The following RANBP17 variants were observed in gnomAD, a reference collection of about 807,000 sequenced individuals.
RANBP17 encodes the protein RAN binding protein 17.
RANBP17 carries 158 observed loss-of-function variants against 141.2 expected under a neutral mutation model. The ratio of observed to expected loss-of-function variants is 1.12; its 90% CI spans 0.98 to 1.28. The LOEUF (loss-of-function observed/expected upper bound fraction) is 1.28, where lower values mean the gene tolerates loss of function less well. Among genes scored for constraint, RANBP17 ranks in the 50% most tolerant of loss-of-function variants. RANBP17 has a pLI of 0.00. For missense variants in RANBP17, 1,438 were observed against 1,290.7 expected (o/e 1.11, Z -1.75); for synonymous variants, 430 against 450.0 (o/e 0.96, Z 0.56).
intron 14 of RANBP17, among the ~76,000 whole-genome samples, chr5:171,108,643 C>A (rs1755013270): frequency 6.6e-6 from 1 of 152,118 alleles, no homozygotes; most frequent in Admixed American, 6.6e-5. Flanking sequence ...AACTCCTGAA[C>A]TCAAGTGATC....
At chr5:171,096,242 A>G (rs916328849) in intron 14 of RANBP17, among the ~76,000 whole-genome samples, 7 of 152,240 alleles carry the variant, frequency 4.6e-5, no homozygotes, top group African/African-American at 1.7e-4. Context: ...TAATGTGTCT[A>G]TCATCAAAGC....
chr5:170,953,179 G>T (rs1229182596), intron 12 of RANBP17, among the ~76,000 whole-genome samples: 1 of 152,060 alleles, frequency 6.6e-6, no homozygotes, highest in Non-Finnish European at 1.5e-5. Flanking sequence ...AAAAGATGCT[G>T]GTCCTTGGAT....
intron 14 of RANBP17, among the ~76,000 whole-genome samples, chr5:171,084,116 C>T (rs1283091044): frequency 7.7e-6 from 1 of 129,334 alleles, no homozygotes; most frequent in East Asian, 2.6e-4. Context: ...CCCCCCTCCC[C>T]CGACCCCACC....
At chr5:171,153,626 G>T (rs1758643412) in intron 14 of RANBP17, among the ~76,000 whole-genome samples, 1 of 152,148 alleles carries the variant, frequency 6.6e-6, no homozygotes, top group Admixed American at 6.5e-5. Flanking sequence ...GGGGTGCTTG[G>T]GTTTCTTTTA....
chr5:171,062,101 G>C (rs886734157), intron 14 of RANBP17, among the ~76,000 whole-genome samples: 8 of 151,572 alleles, frequency 5.3e-5, no homozygotes, highest in Non-Finnish European at 1.0e-4. Context: ...GATGGGTCTT[G>C]ACTCTTTATC....
intron 4 of RANBP17, among the ~76,000 whole-genome samples, 156 bp from the exon 5 acceptor site, chr5:170,895,894 G>A (rs1770071284): frequency 6.6e-6 from 1 of 152,052 alleles, no homozygotes; most frequent in Admixed American, 6.6e-5. Flanking sequence ...AGAACTCATA[G>A]CGATTTTTCT....
At chr5:171,270,475 C>T (rs142979489) in intron 25 of RANBP17, among the ~76,000 whole-genome samples, 65 of 152,228 alleles carry the variant, frequency 4.3e-4, no homozygotes, top group African/African-American at 1.6e-3. Context: ...GAGAGCCCAA[C>T]CGTAACAGTG....
chr5:170,881,867 C>CT lies in RANBP17; in HGVS notation c.230dup (p.Leu77PhefsTer4). 6.2e-7 allele frequency: 1 copy of CT among 1,609,412 alleles called. No homozygotes were observed. The highest frequency in any genetic ancestry group is 8.5e-7 in the Non-Finnish European group (1 of 1,177,490). ...TCAAAACTTGTCAGCCGAGTCAGTC[C>CT]TTTACCTGTTGAGCAGAGGATGGAC... On this transcript the variant is annotated frameshift_variant, in exon 3 of 28. Transcript: ENST00000523189. LOFTEE classifies it high-confidence loss of function.
At chr5:170,935,422 T>G (rs1180729743) in intron 12 of RANBP17, among the ~76,000 whole-genome samples, 2 of 152,262 alleles carry the variant, frequency 1.3e-5, no homozygotes, top group East Asian at 3.8e-4. Flanking sequence ...CTGCTCTGGT[T>G]TCTCCCCATC....
intron 20 of RANBP17, among the ~76,000 whole-genome samples, chr5:171,210,068 T>G (rs1477259521): frequency 6.6e-6 from 1 of 152,196 alleles, no homozygotes; most frequent in African/African-American, 2.4e-5. Context: ...TGCCTTTGAT[T>G]TTTAATTTAT....
intron 14 of RANBP17, among the ~76,000 whole-genome samples, chr5:170,998,766 A>C (rs1199234229): frequency 6.6e-6 from 1 of 152,158 alleles, no homozygotes; most frequent in Non-Finnish European, 1.5e-5. Context: ...AGAGGGATAC[A>C]GTTCTTAGGG....
chr5:171,072,995 A>T (rs1784715429), intron 14 of RANBP17, among the ~76,000 whole-genome samples: 1 of 152,060 alleles, frequency 6.6e-6, no homozygotes, highest in South Asian at 2.1e-4. Context: ...CATTTACATG[A>T]CATACCGGAA....
intron 16 of RANBP17, among the ~76,000 whole-genome samples, chr5:171,178,988 T>C (rs1760706937): frequency 6.6e-6 from 1 of 152,210 alleles, no homozygotes; most frequent in African/African-American, 2.4e-5. Context: ...TTCACTCTGA[T>C]GATAGTTTCT....
At chr5:171,022,423 G>T (rs1561996861) in intron 14 of RANBP17, among the ~76,000 whole-genome samples, 1 of 152,228 alleles carries the variant, frequency 6.6e-6, no homozygotes, top group Non-Finnish European at 1.5e-5. Context: ...CGCAAAGACT[G>T]TGGCCATCCT....
chr5:170,909,390 A>G (rs1376377953), intron 5 of RANBP17, among the ~76,000 whole-genome samples: 1 of 151,758 alleles, frequency 6.6e-6, no homozygotes, highest in African/African-American at 2.4e-5. Context: ...ACTGCATGAT[A>G]TAAAATATGG....
chr5:171,013,039 C>A (rs78453724), intron 14 of RANBP17, among the ~76,000 whole-genome samples: 4,083 of 152,214 alleles, frequency 0.027, 177 homozygotes, highest in African/African-American at 0.092. Flanking sequence ...TCTAGTTTGA[C>A]TTTAGAGTTA....
intron 12 of RANBP17, among the ~76,000 whole-genome samples, chr5:170,937,063 G>A (rs1773940467): frequency 6.6e-6 from 1 of 152,146 alleles, no homozygotes; most frequent in Non-Finnish European, 1.5e-5. Context: ...GTAAATAGTT[G>A]TTCCCTTTTA....
At chr5:171,219,798 T>C (rs1763439501) in intron 21 of RANBP17, among the ~76,000 whole-genome samples, 3 of 152,006 alleles carry the variant, frequency 2.0e-5, no homozygotes, top group African/African-American at 7.2e-5. Context: ...CCTCTAACCT[T>C]TTATCAGTGT....
At chr5:171,128,733 A>G (rs1018263089) in intron 14 of RANBP17, among the ~76,000 whole-genome samples, 1 of 152,178 alleles carries the variant, frequency 6.6e-6, no homozygotes, top group African/African-American at 2.4e-5. Flanking sequence ...TTTTATCATT[A>G]CACATTTTAT....
Sources: allele counts gnomAD v4.1 joint callset (sites outside exome capture counted in the v4.1 genomes callset), GRCh38; gene constraint gnomAD v4.1.1; transcripts MANE v1.5; gene names NCBI Gene and HGNC (gene_info 2026-07-23, HGNC 2026-07-21).